RFX3: variants seen among roughly 807,000 people sequenced by gnomAD.
RFX3 encodes regulatory factor X3.
In RFX3, 14 loss-of-function variants were observed where a neutral mutation model predicts 98.6. The ratio of observed to expected loss-of-function variants is 0.14; its 90% CI spans 0.09 to 0.22. The LOEUF is 0.22. Among genes scored for constraint, RFX3 ranks in the 10% least tolerant of loss-of-function variants. The pLI is 1.00. For missense variants in RFX3, 639 were observed against 926.9 expected, an observed-to-expected ratio of 0.69 and a Z score of 4.03; for synonymous variants, 383 against 328.4, an observed-to-expected ratio of 1.17 and a Z score of -1.80.
rs570996013 is a variant in RFX3, at chr9:3,297,598, T to C, written c.549+3948A>G. On this transcript the variant is annotated intron_variant, in intron 5 of 16. Coordinates refer to ENST00000617270, the MANE Select transcript of RFX3 (RefSeq NM_001282116.2). ...GGATTATTACCCATCAGGATTCATT[T>C]TAAGTTCAGTTTACTAACGATATGC... Among the ~76,000 whole-genome samples, 15 of 152,138 alleles carry C rather than the reference T, an allele frequency of 9.9e-5. 1 individual carries two copies. Among genetic ancestry groups the C allele is most frequent in the Non-Finnish European group, 1.6e-4 (11 of 67,942 alleles).
chr9:3,431,064 C>G (rs905045059), intron 1 of RFX3, among the ~76,000 whole-genome samples: 1 of 152,102 alleles, frequency 6.6e-6, no homozygotes, highest in Non-Finnish European at 1.5e-5. Context: ...AACTATAATA[C>G]CTACTGTGCA....
At chr9:3,341,212 C>G (rs1278864777) in intron 3 of RFX3, among the ~76,000 whole-genome samples, 1 of 151,312 alleles carries the variant, frequency 6.6e-6, no homozygotes, top group Non-Finnish European at 1.5e-5. Flanking sequence ...AATGAGAACA[C>G]ATGGACACAG....
rs558287584 is a variant in RFX3 at position 3,288,752 on chromosome 9, A to C, written c.732-502T>G. Among the ~76,000 whole-genome samples, 40 of 152,308 alleles carry C rather than the reference A, an allele frequency of 2.6e-4. No homozygotes were observed. The South Asian group carries it at 5.4e-3, about 20-fold the overall frequency. On this transcript the variant is annotated intron_variant, in intron 6 of 16. Coordinates refer to ENST00000617270, the MANE Select transcript of RFX3 (RefSeq NM_001282116.2). ...TTTCTCTTTACTTCAGTGATGATGA[A>C]GTAAGATAACTTAATTGTCTGTTAC...
chr9:3,231,383 G>C (rs1210402713), intron 15 of RFX3, among the ~76,000 whole-genome samples: 1 of 152,128 alleles, frequency 6.6e-6, no homozygotes, highest in Non-Finnish European at 1.5e-5. Flanking sequence ...GGCTGCATGA[G>C]ATCCGCAAAA....
intron 10 of RFX3, chr9:3,270,729 G>T (rs1824313631): frequency 3.0e-6 from 2 of 668,240 alleles, no homozygotes; most frequent in Non-Finnish European, 2.5e-6. Context: ...ATGCACATTT[G>T]TATTTTCTGA....
chr9:3,386,349 A>T (rs1385411084), intron 2 of RFX3, among the ~76,000 whole-genome samples: 1 of 152,118 alleles, frequency 6.6e-6, no homozygotes, highest in East Asian at 1.9e-4. Context: ...TAATAAACAT[A>T]TTAAAGGCTT....
intron 1 of RFX3, among the ~76,000 whole-genome samples, chr9:3,468,010 G>T (rs541028718): frequency 6.6e-6 from 1 of 152,146 alleles, no homozygotes; most frequent in African/African-American, 2.4e-5. Context: ...TCTGAAAGAT[G>T]ATCGCATTTA....
At chr9:3,408,783 C>T (rs1390417300) in intron 1 of RFX3, among the ~76,000 whole-genome samples, 2 of 152,042 alleles carry the variant, frequency 1.3e-5, no homozygotes, top group African/African-American at 2.4e-5. Context: ...AGGGTGTGAC[C>T]GAGGAAAAAG....
At chr9:3,488,561 AGAGT>A (rs1850466642) in intron 1 of RFX3, among the ~76,000 whole-genome samples, 1 of 152,218 alleles carries the variant, frequency 6.6e-6, no homozygotes, top group South Asian at 2.1e-4. Flanking sequence ...ACTACTTAAA[AGAGT>A]TAGTACTAAG....
At chr9:3,524,205 C>A (rs1013740874) in intron 1 of RFX3, among the ~76,000 whole-genome samples, 2 of 152,060 alleles carry the variant, frequency 1.3e-5, no homozygotes, top group Non-Finnish European at 2.9e-5. Context: ...ACTGATAAAT[C>A]TATTAACTAA....
At chr9:3,228,955 C>A in intron 15 of RFX3, 66 bp from the exon 16 acceptor site, 1 of 1,423,692 alleles carries the variant, frequency 7.0e-7, no homozygotes, top group South Asian at 1.3e-5. Context: ...CTCTATCAGT[C>A]TGTAGTAAAA....
At chr9:3,276,634 G>C (rs1351874132) in intron 8 of RFX3, among the ~76,000 whole-genome samples, 1 of 151,922 alleles carries the variant, frequency 6.6e-6, no homozygotes, top group African/African-American at 2.4e-5. Flanking sequence ...GTCTATTTTA[G>C]TTGTCTTTGT....
At chr9:3,372,972 TA>T (rs1460221638) in intron 2 of RFX3, among the ~76,000 whole-genome samples, 34 of 152,150 alleles carry the variant, frequency 2.2e-4, no homozygotes, top group Non-Finnish European at 1.3e-4. Flanking sequence ...GAAAAAATGG[TA>T]AACTACTATC....
chr9:3,310,593 G>C (rs1383553076), intron 4 of RFX3, among the ~76,000 whole-genome samples: 3 of 152,090 alleles, frequency 2.0e-5, no homozygotes, highest in South Asian at 2.1e-4. Flanking sequence ...GAATTATAAA[G>C]GGTTTCTATA....
chr9:3,525,339 TAAAG>T (rs890187189), intron 1 of RFX3, among the ~76,000 whole-genome samples: 3 of 152,182 alleles, frequency 2.0e-5, no homozygotes, highest in African/African-American at 7.2e-5. Context: ...AGAAGAAAAT[TAAAG>T]AAAGAACAAA....
chr9:3,301,116 G>A (rs1309233768), intron 5 of RFX3, among the ~76,000 whole-genome samples: 2 of 151,688 alleles, frequency 1.3e-5, no homozygotes, highest in Non-Finnish European at 2.9e-5. Flanking sequence ...GTTTATCATT[G>A]GATTTCACAT....
At chr9:3,402,317 C>T (rs377252023) in intron 1 of RFX3, among the ~76,000 whole-genome samples, 13 of 152,230 alleles carry the variant, frequency 8.5e-5, no homozygotes, top group African/African-American at 3.1e-4. Context: ...AAATTCAGTA[C>T]AGAAAACAAA....
intron 2 of RFX3, among the ~76,000 whole-genome samples, chr9:3,376,990 T>C (rs1051849072): frequency 2.0e-5 from 3 of 152,218 alleles, no homozygotes; most frequent in Admixed American, 6.5e-5. Flanking sequence ...TTTTACACTG[T>C]TGGTGGGACT....
chr9:3,258,143 T>C (rs1260659634), intron 13 of RFX3, among the ~76,000 whole-genome samples: 9 of 152,158 alleles, frequency 5.9e-5, no homozygotes, highest in Admixed American at 5.9e-4. Flanking sequence ...TTAATTTATG[T>C]GGGCCTCAGT....
Sources: gnomAD v4.1 joint callset for allele counts (sites outside exome capture counted in the v4.1 genomes callset) on GRCh38, gnomAD v4.1.1 for gene constraint, MANE v1.5 for transcripts, NCBI Gene and HGNC (gene_info 2026-07-23, HGNC 2026-07-21) for gene names.